The following SLC2A14 variants were observed in gnomAD, a reference collection of about 807,000 sequenced individuals.
SLC2A14 encodes solute carrier family 2 member 14.
A neutral mutation model predicts 43.0 loss-of-function variants in SLC2A14; 13 were observed. The observed-to-expected ratio is 0.30, with a 90% CI of 0.20 to 0.48. The LOEUF is 0.48. SLC2A14 is among the 20% of genes least tolerant of loss of function. The pLI is 0.99. For synonymous variants in SLC2A14, 190 were observed against 233.8 expected (o/e 0.81, Z 1.71); for missense variants, 428 against 620.4 (o/e 0.69, Z 3.29).
At chr12:7,835,623 G>C (rs778292201) in intron 2 of SLC2A14, among the ~76,000 whole-genome samples, 1 of 152,154 alleles carries the variant, frequency 6.6e-6, no homozygotes, top group African/African-American at 2.4e-5. Context: ...GTGCTTGCTA[G>C]TATGATAACC....
chr12:7,849,765 TGGCGGCG>T (rs763807553), intron 2 of SLC2A14, among the ~76,000 whole-genome samples: 13 of 151,156 alleles, frequency 8.6e-5, no homozygotes, highest in Non-Finnish European at 1.8e-4. Context: ...TAGCCGGGTG[TGGCGGCG>T]GGCACCTGTA....
intron 2 of SLC2A14, among the ~76,000 whole-genome samples, chr12:7,869,101 A>G (rs1945087283): frequency 6.6e-6 from 1 of 151,046 alleles, no homozygotes; most frequent in Non-Finnish European, 1.5e-5. Flanking sequence ...CCGAGATCAC[A>G]CCATTGCGCT....
chr12:7,818,477 A>G (rs1335497579), intron 9 of SLC2A14, among the ~76,000 whole-genome samples: 1 of 152,132 alleles, frequency 6.6e-6, no homozygotes, highest in Non-Finnish European at 1.5e-5. Flanking sequence ...CCTGGCCAAC[A>G]TGGTGAAACC....
At chr12:7,852,939 A>C (rs1867056515) in intron 2 of SLC2A14, among the ~76,000 whole-genome samples, 1 of 152,160 alleles carries the variant, frequency 6.6e-6, no homozygotes, top group African/African-American at 2.4e-5. Flanking sequence ...AGCACAACTC[A>C]TAGAAAGGCT....
chr12:7,830,740 T>C (rs1039840348), intron 4 of SLC2A14, among the ~76,000 whole-genome samples: 2 of 152,340 alleles, frequency 1.3e-5, no homozygotes, highest in South Asian at 2.1e-4. Flanking sequence ...GAATATCTAA[T>C]TGGCAAATTA....
chr12:7,888,522 G>A (rs992714505), intron 1 of SLC2A14, among the ~76,000 whole-genome samples: 12 of 151,982 alleles, frequency 7.9e-5, no homozygotes, highest in Admixed American at 3.3e-4. Context: ...TGGACTGGCC[G>A]GGTGCAGTGG....
intron 9 of SLC2A14, among the ~76,000 whole-genome samples, chr12:7,819,258 C>G (rs1044086142): frequency 2.6e-5 from 4 of 152,132 alleles, no homozygotes; most frequent in African/African-American, 7.2e-5. Context: ...AATTAGATAA[C>G]TTATTTTATA....
At chr12:7,829,709 A>C in intron 5 of SLC2A14, 57 bp downstream of exon 5, 6 of 1,598,356 alleles carry the variant, frequency 3.8e-6, no homozygotes, top group Non-Finnish European at 5.1e-6. Context: ...ACCTATGTTA[A>C]CTTTTTTAAT....
At chr12:7,852,786 C>G (rs529447870) in intron 2 of SLC2A14, among the ~76,000 whole-genome samples, 358 of 152,222 alleles carry the variant, frequency 2.4e-3, no homozygotes, top group Non-Finnish European at 4.1e-3. Flanking sequence ...AGCAAGACAT[C>G]TCAGAAAATC....
At chr12:7,863,089 T>C (rs1238165319) in intron 2 of SLC2A14, among the ~76,000 whole-genome samples, 2 of 152,150 alleles carry the variant, frequency 1.3e-5, no homozygotes, top group Non-Finnish European at 2.9e-5. Flanking sequence ...ATCTTGCTAC[T>C]GCTCACTTTT....
chr12:7,838,398 T>A (rs11056049), intron 2 of SLC2A14, among the ~76,000 whole-genome samples: 49,204 of 151,856 alleles, frequency 0.32, 8,689 homozygotes, highest in South Asian at 0.43. Context: ...CAATTTTTTT[T>A]AAAAAATGGA....
intron 1 of SLC2A14, chr12:7,890,774 A>C: frequency 3.0e-6 from 1 of 333,772 alleles, no homozygotes; most frequent in East Asian, 5.3e-5. Flanking sequence ...TCAGGCTTTT[A>C]TGCAAAGTCC....
upstream of SLC2A14, among the ~76,000 whole-genome samples, chr12:7,874,919 A>AAAT (rs1945416059): frequency 1.2e-5 from 1 of 85,566 alleles, no homozygotes; most frequent in African/African-American, 5.4e-5. Flanking sequence ...ACATATATAA[A>AAAT]TATATATTTA....
chr12:7,844,487 T>C (rs1592231301), intron 2 of SLC2A14, among the ~76,000 whole-genome samples: 1 of 152,116 alleles, frequency 6.6e-6, no homozygotes, highest in Non-Finnish European at 1.5e-5. Flanking sequence ...ATACTTGTTG[T>C]ATGCTTAGGA....
At chr12:7,886,190 G>T (rs1376542994) in intron 1 of SLC2A14, among the ~76,000 whole-genome samples, 2 of 88,076 alleles carry the variant, frequency 2.3e-5, no homozygotes, top group Non-Finnish European at 4.8e-5. Flanking sequence ...TTGAGACAAG[G>T]TCAGGCTGTC....
intron 2 of SLC2A14, among the ~76,000 whole-genome samples, chr12:7,861,653 C>T (rs1273165098): frequency 6.6e-6 from 1 of 151,922 alleles, no homozygotes; most frequent in Non-Finnish European, 1.5e-5. Flanking sequence ...TACATAAAAG[C>T]TTTGTAAACT....
In SLC2A14 at chr12:7,828,779, C is replaced by A. The variant is rs1374007630; in HGVS notation, c.601G>T (p.Ala201Ser). 1 of 1,614,162 alleles carries A rather than the reference C, an allele frequency of 6.2e-7. No individual in the cohort carries two copies. Among genetic ancestry groups the A allele is most frequent in the Non-Finnish European group, 8.5e-7 (1 of 1,180,024 alleles). ...FTILPAILQSAALPCCPESPR... is the reference protein window; with the variant it reads ...FTILPAILQSSALPCCPESPR... ...CTTTCAGGGCAACATGGAAGGGCTG[C>A]ACTTTGCAGGATAGCTGGAAGGATG... The change falls in exon 6 of 11, where the codon GCA (alanine) becomes TCA (serine). Residue 201 changes from alanine to serine, a missense_variant. Physicochemically the swap from Ala to Ser is moderately conservative, Grantham distance 99. Around this residue, in one of 4 missense-constraint regions of SLC2A14, gnomAD observed 185 missense variants for 275.4 expected, o/e 0.67. Coordinates refer to ENST00000431042, the MANE Select transcript of SLC2A14 (RefSeq NM_001286234.2).
At position 7,820,892 on chromosome 12, in the gene SLC2A14, G is replaced by C. The variant is rs184616390; in HGVS notation, c.969+329C>G. 1.5e-3 allele frequency among the ~76,000 whole-genome samples: 234 copies of C among 152,192 alleles called. 1 individual carries two copies. Among genetic ancestry groups the C allele is most frequent in the African/African-American group, 5.5e-3 (230 of 41,538 alleles). On this transcript the variant is annotated intron_variant, in intron 8 of 10. Coordinates refer to ENST00000431042, the MANE Select transcript of SLC2A14 (RefSeq NM_001286234.2). ...ACCAGAGGTCAGGAGTTCAAGACCA[G>C]CCTGGCCAACATGGCGAAACCCCGT...
At chr12:7,874,823 T>A (rs188026028), upstream of SLC2A14, among the ~76,000 whole-genome samples, 35,072 of 62,928 alleles carry the variant, frequency 0.56, 7,538 homozygotes, top group Middle Eastern at 0.7. Context: ...TATTTATATA[T>A]AAATTATATA....
Sources: allele counts gnomAD v4.1 joint callset (sites outside exome capture counted in the v4.1 genomes callset), GRCh38; gene constraint gnomAD v4.1.1; regional missense constraint gnomAD v4.1.1; transcripts MANE v1.5; gene names NCBI Gene and HGNC (gene_info 2026-07-23, HGNC 2026-07-21).